MYO9B: variants seen among roughly 807,000 people sequenced by gnomAD.
MYO9B encodes unconventional myosin-IXb.
MYO9B carries 71 observed loss-of-function variants against 229.5 expected under a neutral mutation model. The ratio of observed to expected loss-of-function variants is 0.31; its 90% CI spans 0.26 to 0.38. The LOEUF is 0.38. Ranked by LOEUF, MYO9B falls within the 10% of genes least tolerant of loss-of-function variation. MYO9B has a pLI of 1.00. For synonymous variants in MYO9B, 1,185 were observed against 1,235.8 expected (o/e 0.96, Z 0.86); for missense variants, 2,255 against 2,920.5 (o/e 0.77, Z 5.25).
At chr19:17,189,332 A>G (rs888173338) in intron 19 of MYO9B, among the ~76,000 whole-genome samples, 2 of 140,374 alleles carry the variant, frequency 1.4e-5, no homozygotes, top group African/African-American at 2.5e-5. Context: ...GTCTTAAAAC[A>G]AAACAAAACA....
At chr19:17,140,089 G>A (rs1421223255) in intron 2 of MYO9B, among the ~76,000 whole-genome samples, 1 of 152,224 alleles carries the variant, frequency 6.6e-6, no homozygotes, top group Non-Finnish European at 1.5e-5. Context: ...TGGGTGGATG[G>A]ATGGATGCAT....
At chr19:17,077,274 C>T (rs926544445) in intron 1 of MYO9B, among the ~76,000 whole-genome samples, 2 of 152,276 alleles carry the variant, frequency 1.3e-5, no homozygotes, top group Non-Finnish European at 2.9e-5. Context: ...GCTGGGGAAC[C>T]CCAGCTTATG....
chr19:17,172,737 G>A lies in MYO9B; in HGVS notation c.1936-22G>A, dbSNP rs1463479226. Reference sequence around the variant, plus strand: ...GGTGAGTGACTATCCCCGAGTGACCGCCCACATCCATCCCCCACCAGGACT... The same window carrying A: ...GGTGAGTGACTATCCCCGAGTGACCACCCACATCCATCCCCCACCAGGACT... On this transcript the variant is annotated intron_variant, in intron 12 of 39. Coordinates refer to ENST00000682292, the MANE Select transcript of MYO9B (RefSeq NM_004145.4). This position sits in a 1 kb window ranked among gnomAD's most constrained non-coding sequence, Gnocchi z 8.2. 31 of 1,611,554 alleles carry A rather than the reference G, an allele frequency of 1.9e-5. No individual in the cohort carries two copies. Among genetic ancestry groups the A allele is most frequent in the African/African-American group, 5.3e-5 (4 of 74,894 alleles).
intron 2 of MYO9B, among the ~76,000 whole-genome samples, chr19:17,122,009 A>C (rs1276611733): frequency 1.3e-5 from 2 of 151,606 alleles, no homozygotes; most frequent in African/African-American, 4.8e-5. Flanking sequence ...AAGTACTGGA[A>C]GTCTTTGCTG....
At chr19:17,130,536 C>T (rs1006661827) in intron 2 of MYO9B, among the ~76,000 whole-genome samples, 6 of 151,936 alleles carry the variant, frequency 3.9e-5, no homozygotes, top group Non-Finnish European at 8.8e-5. Flanking sequence ...AGGAGAATGG[C>T]GTGAACCCAG....
At position 17,180,920 on chromosome 19, in the gene MYO9B, C is replaced by G; in HGVS notation, c.2220-7C>G. 1 of 1,597,682 alleles carries G rather than the reference C, an allele frequency of 6.3e-7. No individual in the cohort carries two copies. The highest frequency in any genetic ancestry group is 8.6e-7 in the Non-Finnish European group (1 of 1,169,298). On this transcript the variant is annotated splice_region_variant and splice_polypyrimidine_tract_variant and intron_variant, in intron 14 of 39. Transcript: ENST00000682292. ...TGTCACTGCGCCCCCTCCACCCCTC[C>G]CCTCAGCGATTTGCATAACCAAATG...
In MYO9B at chr19:17,206,735, C is replaced by G; in HGVS notation, c.5443C>G (p.Pro1815Ala). Residue 1815 changes from proline to alanine, a missense_variant, in exon 34 of 40, where the codon CCA becomes GCA. Coordinates refer to ENST00000682292, the MANE Select transcript of MYO9B (RefSeq NM_004145.4). Reference protein sequence around the residue: ...AAIYAVLEHLPEANHNSLERL... With the variant: ...AAIYAVLEHLAEANHNSLERL... ...CATCTATGCCGTCCTGGAGCACCTT[C>G]CAGAAGCCAACCACAACTCCCTGGA... 1 of 1,592,222 alleles carries G rather than the reference C, an allele frequency of 6.3e-7. No homozygotes were observed. Among genetic ancestry groups the G allele is most frequent in the South Asian group, 1.1e-5 (1 of 87,078 alleles).
chr19:17,122,724 A>T (rs1005635923), intron 2 of MYO9B, among the ~76,000 whole-genome samples: 1 of 152,340 alleles, frequency 6.6e-6, no homozygotes, highest in Admixed American at 6.5e-5. Flanking sequence ...GGTATCAGTT[A>T]GCAGGCAGGA....
At chr19:17,185,162 T>C (rs1219834165) in intron 17 of MYO9B, among the ~76,000 whole-genome samples, 175 bp downstream of exon 17, 1 of 151,504 alleles carries the variant, frequency 6.6e-6, no homozygotes, top group Non-Finnish European at 1.5e-5. Flanking sequence ...GATCACGAGG[T>C]CAGGAGATTG....
intron 2 of MYO9B, among the ~76,000 whole-genome samples, chr19:17,126,570 G>A (rs1005448097): frequency 2.0e-5 from 3 of 152,140 alleles, no homozygotes; most frequent in East Asian, 1.9e-4. Flanking sequence ...GACCCAGACC[G>A]ATGTGGCTGT....
chr19:17,077,480 G>GCAA (rs1377124189), intron 1 of MYO9B, among the ~76,000 whole-genome samples: 3 of 152,150 alleles, frequency 2.0e-5, no homozygotes, highest in African/African-American at 7.2e-5. Context: ...GGCTTGCACT[G>GCAA]GCCTACAGAA....
At chr19:17,091,615 G>T (rs1260813996) in intron 1 of MYO9B, among the ~76,000 whole-genome samples, 4 of 152,152 alleles carry the variant, frequency 2.6e-5, no homozygotes, top group Admixed American at 2.6e-4. Flanking sequence ...AGAGCTGTGG[G>T]TGAAAGGACA....
chr19:17,086,402 AC>A (rs1409594071), intron 1 of MYO9B, among the ~76,000 whole-genome samples: 1 of 152,138 alleles, frequency 6.6e-6, no homozygotes, highest in African/African-American at 2.4e-5. Flanking sequence ...GGCCTCAGCA[AC>A]CATTTGCCCT....
intron 38 of MYO9B, among the ~76,000 whole-genome samples, 162 bp downstream of exon 38, chr19:17,211,010 C>T (rs982735189): frequency 3.5e-5 from 4 of 114,860 alleles, no homozygotes; most frequent in African/African-American, 1.4e-4. Context: ...TTTGAGACGG[C>T]GTCTCGCTCT....
chr19:17,174,940 AT>A (rs66993090), intron 13 of MYO9B, among the ~76,000 whole-genome samples: 30,247 of 149,498 alleles, frequency 0.2, 3,576 homozygotes, highest in East Asian at 0.35. Flanking sequence ...TCTCAAAAAA[AT>A]AAATAAATAA....
At chr19:17,199,744 A>G (rs1289751249) in intron 24 of MYO9B, among the ~76,000 whole-genome samples, 2 of 118,292 alleles carry the variant, frequency 1.7e-5, no homozygotes, top group Admixed American at 9.9e-5. Context: ...GGGTTTCGCT[A>G]TGTTGCCCAG....
intron 30 of MYO9B, among the ~76,000 whole-genome samples, chr19:17,203,612 CAAA>C (rs5827362): frequency 4.2e-5 from 5 of 119,442 alleles, no homozygotes; most frequent in Non-Finnish European, 5.3e-5. Flanking sequence ...GACTCTGTCT[CAAA>C]AAAAAAAAAA....
In MYO9B at chr19:17,198,315, A is replaced by ATTGGGC; in HGVS notation, c.4238+13_4238+18dup. 2 of 1,613,516 alleles carry ATTGGGC rather than the reference A, an allele frequency of 1.2e-6. No homozygotes were observed. The highest frequency in any genetic ancestry group is 1.7e-6 in the Non-Finnish European group (2 of 1,179,746). On this transcript the variant is annotated splice_region_variant and intron_variant, in intron 24 of 39. Transcript: ENST00000682292. ...GCTCTCAGGTCGACTCTAAGTAAGT[A>ATTGGGC]TTGGGCTTGGGGGAAACTCAGGCCA...
intron 20 of MYO9B, among the ~76,000 whole-genome samples, chr19:17,192,042 C>T (rs1194451586): frequency 6.6e-6 from 1 of 151,952 alleles, no homozygotes; most frequent in Non-Finnish European, 1.5e-5. Context: ...CTGCAACCTC[C>T]GTCTCCCAGG....
Sources: gnomAD v4.1 joint callset for allele counts (sites outside exome capture counted in the v4.1 genomes callset) on GRCh38, gnomAD v4.1.1 for gene constraint, Gnocchi (gnomAD v3.1) non-coding constraint, MANE v1.5 for transcripts, NCBI Gene and HGNC (gene_info 2026-07-23, HGNC 2026-07-21) for gene names.